EXT2: variants seen among roughly 807,000 people sequenced by gnomAD.
EXT2 encodes the protein exostosin-2.
EXT2 carries 53 observed loss-of-function variants against 81.6 expected under a neutral mutation model. The ratio of observed to expected loss-of-function variants is 0.65; its 90% CI spans 0.52 to 0.82. The LOEUF (loss-of-function observed/expected upper bound fraction) is 0.82, where lower values mean the gene tolerates loss of function less well. Among genes scored for constraint, EXT2 ranks in the 40% least tolerant of loss-of-function variants. The probability of loss-of-function intolerance (pLI) is 0.00; values close to 1 mark genes in which losing one functional copy is unlikely to be tolerated. For synonymous variants in EXT2, 320 were observed against 340.0 expected (o/e 0.94, Z 0.65); for missense variants, 774 against 910.2 (o/e 0.85, Z 1.93).
chr11:44,171,730 C>A lies in EXT2; in HGVS notation c.1293C>A (p.Asp431Glu). The A allele has an allele frequency of 6.2e-7, 1 of 1,613,980 alleles. No individual in the cohort carries two copies. Among genetic ancestry groups the A allele is most frequent in the Non-Finnish European group, 8.5e-7 (1 of 1,179,904 alleles). Residue 431 changes from aspartate to glutamate, a missense_variant, in exon 8 of 14, where the codon GAC (aspartate) becomes GAA (glutamate). By Grantham distance (45) the Asp-to-Glu change is conservative (BLOSUM62 2). Coordinates refer to ENST00000533608, the MANE Select transcript of EXT2 (RefSeq NM_207122.2). ...YAAISYEEWN[D>E]PPAVKWGSVS... ...CCATCTCCTATGAAGAATGGAATGA[C>A]CCTCCTGCTGTGGTAAGTGAATTCC...
At chr11:44,105,917 A>G (rs911006712) in intron 1 of EXT2, among the ~76,000 whole-genome samples, 1 of 152,188 alleles carries the variant, frequency 6.6e-6, no homozygotes, top group East Asian at 1.9e-4. Context: ...TTATTTGCTG[A>G]TGATTGTGGA....
rs11368755 is a variant in EXT2 at position 44,247,441 on chromosome 11, A to AG, written c.*3157dup. Among the ~76,000 whole-genome samples the AG allele has an allele frequency of 0.89, 135,041 of 152,112 alleles. 60,032 individuals are homozygous for AG. Among genetic ancestry groups the AG allele is most frequent in the East Asian group, 0.95 (4,887 of 5,164 alleles). The stretch of plus-strand genomic sequence containing the variant: ...ATTTGTTTGTAATTTTAGTAGAGGC[A>AG]GGGTTTCACCACGTTAGCCAGGCTG... On this transcript the variant is annotated 3_prime_UTR_variant, in exon 14 of 14. Coordinates refer to ENST00000533608, the MANE Select transcript of EXT2 (RefSeq NM_207122.2).
At chr11:44,099,177 T>G (rs112762070) in intron 1 of EXT2, among the ~76,000 whole-genome samples, 10,011 of 150,592 alleles carry the variant, frequency 0.066, 449 homozygotes, top group Middle Eastern at 0.14. Context: ...AATTTTTGGG[T>G]TTTTTTTTGT....
At chr11:44,162,429 A>T (rs188125865) in intron 7 of EXT2, among the ~76,000 whole-genome samples, 233 of 152,142 alleles carry the variant, frequency 1.5e-3, no homozygotes, top group African/African-American at 5.0e-3. Context: ...TACAAAAATT[A>T]GCCAGGCATG....
intron 1 of EXT2, among the ~76,000 whole-genome samples, chr11:44,096,583 G>A (rs1009736108): frequency 9.9e-5 from 15 of 150,806 alleles, no homozygotes; most frequent in African/African-American, 3.7e-4. Flanking sequence ...CAGGGACTAG[G>A]TGGCCCGGGG....
Position 44,245,732 on chromosome 11 carries a change from C to T in EXT2, c.*1445C>T, listed in dbSNP as rs764626759. Among the ~76,000 whole-genome samples, 3 of 152,204 alleles carry T rather than the reference C, an allele frequency of 2.0e-5. No homozygotes were observed. Among genetic ancestry groups the T allele is most frequent in the Non-Finnish European group, 2.9e-5 (2 of 68,040 alleles). The stretch of plus-strand genomic sequence containing the variant: ...GCTGTAGTTTCATCAAGAGTCACTT[C>T]AGATGTGTTCCCCAGACTTTGAGAG... On this transcript the variant is annotated 3_prime_UTR_variant, in exon 14 of 14. Transcript: ENST00000533608.
At position 44,236,252 on chromosome 11, in the gene EXT2, T is replaced by C. The variant is rs3740878; in HGVS notation, c.1936-41T>C. ...GTCACAAGCATGATTTTATTGTCCT[T>C]GACACTGACAGCCAGGTATGTTTTT... On this transcript the variant is annotated intron_variant, in intron 12 of 13. Coordinates refer to ENST00000533608, the MANE Select transcript of EXT2 (RefSeq NM_207122.2). The C allele has an allele frequency of 0.29, 454,749 of 1,580,138 alleles. 70,507 individuals are homozygous for C. The highest frequency in any genetic ancestry group is 0.49 in the Admixed American group (29,542 of 59,942).
intron 4 of EXT2, among the ~76,000 whole-genome samples, chr11:44,120,767 T>G (rs1954304214): frequency 6.6e-6 from 1 of 152,254 alleles, no homozygotes; most frequent in Admixed American, 6.5e-5. Flanking sequence ...TATTGATAGC[T>G]GCTTCTCACA....
chr11:44,240,596 G>C (rs1956025624), intron 13 of EXT2, among the ~76,000 whole-genome samples: 1 of 152,154 alleles, frequency 6.6e-6, no homozygotes, highest in African/African-American at 2.4e-5. Context: ...ATGTCATAGA[G>C]TATGAAGCCA....
intron 3 of EXT2, among the ~76,000 whole-genome samples, chr11:44,110,511 A>T (rs1954128195): frequency 6.6e-6 from 1 of 152,038 alleles, no homozygotes; most frequent in Non-Finnish European, 1.5e-5. Context: ...TGTTTTATGG[A>T]TTTGGTTGTT....
At chr11:44,206,557 A>G (rs1256040241) in intron 9 of EXT2, among the ~76,000 whole-genome samples, 2 of 152,132 alleles carry the variant, frequency 1.3e-5, no homozygotes, top group Non-Finnish European at 2.9e-5. Context: ...ATAAATATGT[A>G]TGTATATAGT....
intron 8 of EXT2, among the ~76,000 whole-genome samples, chr11:44,174,621 CT>C (rs145578770): frequency 4.6e-5 from 7 of 151,984 alleles, no homozygotes; most frequent in Admixed American, 6.5e-5. Flanking sequence ...CAGTTGTTTA[CT>C]TTTTTTAGTT....
chr11:44,234,235 G>T lies in EXT2; in HGVS notation c.1927G>T (p.Val643Phe). The T allele has an allele frequency of 6.2e-7, 1 of 1,614,000 alleles. No homozygotes were observed. Residue 643 changes from valine to phenylalanine, a missense_variant, in exon 12 of 14, where the codon GTT becomes TTT. By Grantham distance (50) the Val-to-Phe change is conservative. This residue lies in a region of EXT2 where 148 missense variants were observed against 239.7 expected (regional missense o/e 0.62). Transcript: ENST00000533608. ...FLVANVTGKA[V>F]IKVTPRKKFK... is the part of the protein sequence containing the mutation. ...GGTGGCCAACGTCACGGGAAAAGCAGTTATCAAGGTAGGAGGCTCTGCCAC... is the reference window on the plus strand; with the variant it reads ...GGTGGCCAACGTCACGGGAAAAGCATTTATCAAGGTAGGAGGCTCTGCCAC...
At chr11:44,190,041 C>A (rs1955370559) in intron 8 of EXT2, among the ~76,000 whole-genome samples, 1 of 152,156 alleles carries the variant, frequency 6.6e-6, no homozygotes, top group South Asian at 2.1e-4. Flanking sequence ...CCATTTTGGA[C>A]AAGGGACACC....
chr11:44,243,602 A>C (rs1344511325), intron 13 of EXT2, among the ~76,000 whole-genome samples: 1 of 147,968 alleles, frequency 6.8e-6, no homozygotes, highest in Non-Finnish European at 1.5e-5. Flanking sequence ...TATTGTTTGA[A>C]ATTTGGCCCT....
chr11:44,207,318 A>G (rs1955595673), intron 10 of EXT2, among the ~76,000 whole-genome samples: 1 of 152,240 alleles, frequency 6.6e-6, no homozygotes, highest in Admixed American at 6.5e-5. Context: ...TAAAAACATC[A>G]ATAAGTGAAG....
chr11:44,099,966 C>G (rs1953958801), intron 1 of EXT2, among the ~76,000 whole-genome samples: 1 of 152,198 alleles, frequency 6.6e-6, no homozygotes, highest in Admixed American at 6.5e-5. Flanking sequence ...TGTCGACACA[C>G]TTCACAAGCA....
chr11:44,215,586 C>G (rs890165105), intron 10 of EXT2, among the ~76,000 whole-genome samples: 1 of 152,184 alleles, frequency 6.6e-6, no homozygotes, highest in Non-Finnish European at 1.5e-5. Context: ...AATGTTCTTA[C>G]TAGGCCAGTT....
intron 7 of EXT2, among the ~76,000 whole-genome samples, chr11:44,171,346 C>A (rs562672689): frequency 6.6e-6 from 1 of 152,362 alleles, no homozygotes; most frequent in East Asian, 1.9e-4. Flanking sequence ...CATGGCTATT[C>A]TCATCATCAC....
Sources: gnomAD v4.1 joint callset for allele counts (sites outside exome capture counted in the v4.1 genomes callset) on GRCh38, gnomAD v4.1.1 for gene constraint, gnomAD v4.1.1 regional missense constraint, MANE v1.5 for transcripts, NCBI Gene and HGNC (gene_info 2026-07-23, HGNC 2026-07-21) for gene names.